The following ADAMTSL1 variants were observed in gnomAD, a reference collection of about 807,000 sequenced individuals.
ADAMTSL1 encodes ADAMTS-like protein 1.
Under a neutral mutation model 201.8 loss-of-function variants are expected in ADAMTSL1, and 126 were observed. The observed-to-expected ratio is 0.62, with a 90% CI of 0.54 to 0.72. The LOEUF (loss-of-function observed/expected upper bound fraction) is 0.72. Ranked by LOEUF, ADAMTSL1 falls within the 30% of genes least tolerant of loss-of-function variation. The pLI is 0.00. For missense variants in ADAMTSL1, 2,679 were observed against 2,277.8 expected (o/e 1.18, Z -3.59); for synonymous variants, 1,121 against 903.4 (o/e 1.24, Z -4.32).
chr9:17,924,615 AT>A (rs1220418568), intron 1 of ADAMTSL1, among the ~76,000 whole-genome samples: 2 of 149,088 alleles, frequency 1.3e-5, no homozygotes, highest in Non-Finnish European at 3.0e-5. Context: ...AGGATTCCCT[AT>A]TTAATAAATG....
chr9:18,302,339 G>A (rs1420293363), intron 2 of ADAMTSL1, among the ~76,000 whole-genome samples: 2 of 152,100 alleles, frequency 1.3e-5, no homozygotes. Flanking sequence ...AGACCTTGCT[G>A]TCTAGAGGTA....
At chr9:17,983,652 AT>A (rs748181656) in intron 1 of ADAMTSL1, among the ~76,000 whole-genome samples, 1 of 152,182 alleles carries the variant, frequency 6.6e-6, no homozygotes, top group Non-Finnish European at 1.5e-5. Flanking sequence ...AGAATTTATG[AT>A]TTTTAAATGG....
At chr9:18,081,046 T>C (rs184079253) in intron 1 of ADAMTSL1, among the ~76,000 whole-genome samples, 200 of 152,342 alleles carry the variant, frequency 1.3e-3, no homozygotes, top group African/African-American at 4.7e-3. Context: ...ACCTTACTTA[T>C]AAAGATGACT....
chr9:18,097,499 C>T (rs185808205), intron 1 of ADAMTSL1, among the ~76,000 whole-genome samples: 49 of 152,276 alleles, frequency 3.2e-4, no homozygotes, highest in Admixed American at 1.2e-3. Flanking sequence ...CCAGTGTATT[C>T]TTCAAAGTCA....
chr9:18,360,313 G>T (rs945382765), intron 2 of ADAMTSL1, among the ~76,000 whole-genome samples: 2 of 152,156 alleles, frequency 1.3e-5, no homozygotes. Flanking sequence ...AAAACATGTT[G>T]AAGGGAAACA....
chr9:18,832,762 A>G (rs1168600755), intron 23 of ADAMTSL1, among the ~76,000 whole-genome samples: 1 of 152,168 alleles, frequency 6.6e-6, no homozygotes, highest in Non-Finnish European at 1.5e-5. Context: ...AAAGCCATTC[A>G]CCAGCCTTGT....
chr9:18,284,119 C>G (rs1454969035), intron 2 of ADAMTSL1, among the ~76,000 whole-genome samples: 2 of 151,408 alleles, frequency 1.3e-5, no homozygotes, highest in African/African-American at 4.8e-5. Context: ...AATTCCACTA[C>G]TCGGGAGGCT....
intron 25 of ADAMTSL1, among the ~76,000 whole-genome samples, chr9:18,890,394 G>T (rs534444802): frequency 6.6e-6 from 1 of 152,274 alleles, no homozygotes; most frequent in East Asian, 1.9e-4. Flanking sequence ...CTCATCCTCT[G>T]TCCTCAGCAG....
intron 1 of ADAMTSL1, among the ~76,000 whole-genome samples, chr9:18,055,053 C>G (rs1201801690): frequency 6.6e-6 from 1 of 152,212 alleles, no homozygotes; most frequent in Admixed American, 6.5e-5. Context: ...CTGCCTGCAG[C>G]TCTGCCACAG....
At chr9:17,952,599 T>C (rs1827769344) in intron 1 of ADAMTSL1, among the ~76,000 whole-genome samples, 1 of 151,628 alleles carries the variant, frequency 6.6e-6, no homozygotes, top group African/African-American at 2.4e-5. Flanking sequence ...TTTTATTCAT[T>C]TATTTATTTT....
intron 2 of ADAMTSL1, among the ~76,000 whole-genome samples, chr9:18,256,764 C>T (rs553901156): frequency 1.6e-4 from 24 of 152,320 alleles, no homozygotes; most frequent in East Asian, 3.9e-4. Context: ...CAGCAACCAT[C>T]GTAATATACA....
In ADAMTSL1 at chr9:18,307,607, C is replaced by T. The variant is rs182859311; in HGVS notation, c.207+143626C>T. Among the ~76,000 whole-genome samples, 1,349 of 152,198 alleles carry T rather than the reference C, an allele frequency of 8.9e-3. 32 individuals carry two copies. Among genetic ancestry groups the T allele is most frequent in the African/African-American group, 0.031 (1,275 of 41,510 alleles). On this transcript the variant is annotated intron_variant, in intron 2 of 29. Coordinates refer to the ADAMTSL1 transcript ENST00000680146. Reference sequence around the variant, plus strand: ...TCAAAAAAGGCTAAGAAAGGCATTACATAATGGTAAAGGGATCAATTCAAC... The same window carrying T: ...TCAAAAAAGGCTAAGAAAGGCATTATATAATGGTAAAGGGATCAATTCAAC...
rs757306292 is a variant in ADAMTSL1 at position 18,721,616 on chromosome 9, CG to C, written c.1959del (p.Pro655HisfsTer4). 1.2e-6 allele frequency: 2 copies of C among 1,613,936 alleles called. No homozygotes were observed. Among genetic ancestry groups the C allele is most frequent in the South Asian group, 1.1e-5 (1 of 91,072 alleles). ...AEENLCVTSR[R>X]PPQLLKSCNL... Reference sequence around the variant, plus strand: ...GGAGAACCTGTGCGTGACCAGCCGCCGGCCCCCACAGCTCCTGAAGTCCTGC... The same window carrying C: ...GGAGAACCTGTGCGTGACCAGCCGCCGCCCCCACAGCTCCTGAAGTCCTGC... On this transcript the variant is annotated frameshift_variant, in exon 15 of 29. Coordinates refer to ENST00000380548, the MANE Select transcript of ADAMTSL1 (RefSeq NM_001040272.6). LOFTEE classifies it high-confidence loss of function.
chr9:18,659,175 A>T (rs1384333019), intron 8 of ADAMTSL1, among the ~76,000 whole-genome samples: 1 of 152,228 alleles, frequency 6.6e-6, no homozygotes, highest in Non-Finnish European at 1.5e-5. Flanking sequence ...CACTATATTA[A>T]TTTGACAAGA....
At chr9:18,463,355 C>T (rs1273592336) in intron 2 of ADAMTSL1, among the ~76,000 whole-genome samples, 5 of 151,786 alleles carry the variant, frequency 3.3e-5, no homozygotes, top group Non-Finnish European at 2.9e-5. Flanking sequence ...CGTCTTTTTT[C>T]TCTTCTTTAA....
chr9:18,566,769 G>A (rs965727121), intron 3 of ADAMTSL1, among the ~76,000 whole-genome samples: 2 of 152,064 alleles, frequency 1.3e-5, no homozygotes, highest in Admixed American at 6.6e-5. Flanking sequence ...GGGATGATGG[G>A]GGCTCTCATA....
chr9:18,527,582 A>G (rs7868026), intron 2 of ADAMTSL1, among the ~76,000 whole-genome samples: 28,725 of 152,016 alleles, frequency 0.19, 3,153 homozygotes, highest in East Asian at 0.54. Flanking sequence ...ATGTCATTTC[A>G]CCTCTTCTCA....
At chr9:18,543,069 A>G (rs571150360) in intron 3 of ADAMTSL1, among the ~76,000 whole-genome samples, 2 of 152,318 alleles carry the variant, frequency 1.3e-5, no homozygotes, top group South Asian at 2.1e-4. Flanking sequence ...TCTGGCAACT[A>G]TCATGGCTTG....
chr9:18,243,422 A>G (rs1484090172), intron 2 of ADAMTSL1, among the ~76,000 whole-genome samples: 1 of 152,118 alleles, frequency 6.6e-6, no homozygotes, highest in Non-Finnish European at 1.5e-5. Flanking sequence ...ACTCTCAAAA[A>G]TTACCAGTGA....
Sources: allele counts gnomAD v4.1 joint callset (sites outside exome capture counted in the v4.1 genomes callset), GRCh38; gene constraint gnomAD v4.1.1; transcripts MANE v1.5; gene names NCBI Gene and HGNC (gene_info 2026-07-23, HGNC 2026-07-21).